CTNND2: variants seen among roughly 807,000 people sequenced by gnomAD.
CTNND2 encodes the protein catenin delta 2, also known as catenin delta-2.
Under a neutral mutation model 144.4 loss-of-function variants are expected in CTNND2, and 22 were observed. That is an observed-to-expected ratio of 0.15 (90% CI 0.11 to 0.22). The LOEUF is 0.22. Ranked by LOEUF, CTNND2 falls within the 10% of genes least tolerant of loss-of-function variation. CTNND2 has a pLI of 1.00. For missense variants in CTNND2, 1,353 were observed against 1,618.8 expected (o/e 0.84, Z 2.82); for synonymous variants, 751 against 695.6 (o/e 1.08, Z -1.25).
At chr5:11,284,804 G>A (rs1265571216) in intron 9 of CTNND2, among the ~76,000 whole-genome samples, 7 of 152,072 alleles carry the variant, frequency 4.6e-5, no homozygotes, top group East Asian at 1.9e-4. Context: ...GGGTCAAATC[G>A]ATCTCACCAT....
chr5:11,014,114 C>A (rs1212909083), intron 18 of CTNND2, among the ~76,000 whole-genome samples: 2 of 152,162 alleles, frequency 1.3e-5, no homozygotes, highest in Non-Finnish European at 2.9e-5. Flanking sequence ...GGGTCCCAAC[C>A]AATGCAACTA....
intron 9 of CTNND2, among the ~76,000 whole-genome samples, chr5:11,239,196 CG>C (rs1741957909): frequency 3.3e-5 from 5 of 152,268 alleles, no homozygotes; most frequent in African/African-American, 1.2e-4. Context: ...ATGGCTTACA[CG>C]GCATATGCCA....
intron 2 of CTNND2, among the ~76,000 whole-genome samples, chr5:11,725,500 A>G (rs1413223172): frequency 6.6e-6 from 1 of 152,188 alleles, no homozygotes; most frequent in Non-Finnish European, 1.5e-5. Flanking sequence ...ACTTGACCTT[A>G]GCAAAACCTT....
intron 2 of CTNND2, among the ~76,000 whole-genome samples, chr5:11,573,813 C>A (rs2150119961): frequency 6.6e-6 from 1 of 152,266 alleles, no homozygotes; most frequent in Non-Finnish European, 1.5e-5. Context: ...ACACCTCTTT[C>A]TCTCCAACTC....
chr5:11,618,610 C>T (rs988551891), intron 2 of CTNND2, among the ~76,000 whole-genome samples: 3 of 152,134 alleles, frequency 2.0e-5, no homozygotes, highest in Admixed American at 1.3e-4. Flanking sequence ...GGTAAAAATA[C>T]TACTTAAGCC....
At chr5:11,411,151 C>T (rs532216217) in intron 5 of CTNND2, among the ~76,000 whole-genome samples, 8 of 152,044 alleles carry the variant, frequency 5.3e-5, no homozygotes, top group African/African-American at 1.9e-4. Flanking sequence ...GGATTACAGG[C>T]GTAAACCACC....
At chr5:11,239,196 C>T (rs1030141431) in intron 9 of CTNND2, among the ~76,000 whole-genome samples, 2 of 152,268 alleles carry the variant, frequency 1.3e-5, no homozygotes, top group Admixed American at 6.5e-5. Context: ...ATGGCTTACA[C>T]GGCATATGCC....
intron 7 of CTNND2, among the ~76,000 whole-genome samples, chr5:11,365,450 A>C (rs1461024601): frequency 6.6e-6 from 1 of 152,200 alleles, no homozygotes; most frequent in Non-Finnish European, 1.5e-5. Context: ...AGAGGTTTCA[A>C]GTTATATTTT....
intron 3 of CTNND2, among the ~76,000 whole-genome samples, chr5:11,505,362 A>T (rs1308410968): frequency 6.6e-6 from 1 of 152,224 alleles, no homozygotes; most frequent in Non-Finnish European, 1.5e-5. Context: ...GCAGGGCCAC[A>T]TGCTTAGAAA....
chr5:11,645,501 A>G (rs553579519), intron 2 of CTNND2, among the ~76,000 whole-genome samples: 2 of 152,318 alleles, frequency 1.3e-5, no homozygotes, highest in African/African-American at 4.8e-5. Flanking sequence ...ACTAAATTCA[A>G]TTATACGTGA....
chr5:11,255,392 T>A (rs2149941925), intron 9 of CTNND2, among the ~76,000 whole-genome samples: 1 of 152,338 alleles, frequency 6.6e-6, no homozygotes, highest in Non-Finnish European at 1.5e-5. Context: ...CGACTAGAAC[T>A]TTCGACAGGC....
intron 3 of CTNND2, among the ~76,000 whole-genome samples, chr5:11,461,250 A>C (rs1011849072): frequency 6.6e-6 from 1 of 152,064 alleles, no homozygotes; most frequent in African/African-American, 2.4e-5. Context: ...ACAGAAAAAC[A>C]TAGATAAGTA....
chr5:11,494,451 CGT>C, intron 3 of CTNND2, among the ~76,000 whole-genome samples: 1 of 151,942 alleles, frequency 6.6e-6, no homozygotes, highest in East Asian at 1.9e-4. Flanking sequence ...AAGTACCAAA[CGT>C]GTGTGAGTGG....
intron 1 of CTNND2, among the ~76,000 whole-genome samples, chr5:11,854,697 C>A (rs571573884): frequency 1.3e-5 from 2 of 152,172 alleles, no homozygotes; most frequent in African/African-American, 4.8e-5. Context: ...ACACAAGTAT[C>A]GAACGTACAG....
chr5:11,822,923 C>T (rs1406951503), intron 1 of CTNND2, among the ~76,000 whole-genome samples: 2 of 152,122 alleles, frequency 1.3e-5, no homozygotes, highest in Non-Finnish European at 1.5e-5. Context: ...AGATTCCTTA[C>T]ACACAGAAAC....
chr5:11,184,278 T>A (rs911578458), intron 11 of CTNND2, among the ~76,000 whole-genome samples: 1 of 152,236 alleles, frequency 6.6e-6, no homozygotes, highest in Non-Finnish European at 1.5e-5. Flanking sequence ...TACCTGTGAA[T>A]GCAAATGTGG....
At chr5:11,626,801 T>C (rs1176813435) in intron 2 of CTNND2, among the ~76,000 whole-genome samples, 1 of 152,198 alleles carries the variant, frequency 6.6e-6, no homozygotes, top group Non-Finnish European at 1.5e-5. Flanking sequence ...ATCGGAAAAG[T>C]ACAAGAAGAG....
chr5:11,882,861 C>T (rs1413289766), intron 1 of CTNND2, among the ~76,000 whole-genome samples: 1 of 152,046 alleles, frequency 6.6e-6, no homozygotes, highest in Non-Finnish European at 1.5e-5. Context: ...TTGGCATTTT[C>T]AGCATGATTG....
intron 9 of CTNND2, among the ~76,000 whole-genome samples, chr5:11,262,009 T>G (rs1383674628): frequency 6.6e-6 from 1 of 152,202 alleles, no homozygotes; most frequent in Non-Finnish European, 1.5e-5. Flanking sequence ...GTTATTTATT[T>G]CATAATTTAT....
Sources: allele counts gnomAD v4.1 joint callset (sites outside exome capture counted in the v4.1 genomes callset), GRCh38; gene constraint gnomAD v4.1.1; transcripts MANE v1.5; gene names NCBI Gene and HGNC (gene_info 2026-07-23, HGNC 2026-07-21).